Variants in IQSEC1 observed in about 807,000 individuals in gnomAD.
IQSEC1 encodes the protein IQ motif and SEC7 domain-containing protein 1.
A neutral mutation model predicts 91.0 loss-of-function variants in IQSEC1; 31 were observed. That is an observed-to-expected ratio of 0.34 (90% CI 0.26 to 0.46). The LOEUF (loss-of-function observed/expected upper bound fraction) is 0.46, where lower values mean the gene tolerates loss of function less well. Among genes scored for constraint, IQSEC1 ranks in the 20% least tolerant of loss-of-function variants. IQSEC1 has a pLI of 1.00. For synonymous variants in IQSEC1, 699 were observed against 662.6 expected, an observed-to-expected ratio of 1.05 and a Z score of -0.84; for missense variants, 1,388 against 1,575.6, an observed-to-expected ratio of 0.88 and a Z score of 2.02.
chr3:13,166,835 A>G (rs1182547343), intron 1 of IQSEC1, among the ~76,000 whole-genome samples: 1 of 152,226 alleles, frequency 6.6e-6, no homozygotes, highest in Non-Finnish European at 1.5e-5. Flanking sequence ...GCACTGACCC[A>G]GAACCCACAC....
intron 1 of IQSEC1, among the ~76,000 whole-genome samples, chr3:13,273,266 C>T (rs1461550673): frequency 6.6e-6 from 1 of 152,186 alleles, no homozygotes; most frequent in African/African-American, 2.4e-5. Flanking sequence ...GGGAGCCTCA[C>T]CCAAGCCATC....
chr3:13,009,824 G>A (rs1487477568), intron 1 of IQSEC1, among the ~76,000 whole-genome samples: 1 of 152,136 alleles, frequency 6.6e-6, no homozygotes, highest in Non-Finnish European at 1.5e-5. Flanking sequence ...CCTCCTCTCT[G>A]CCAGTGTGGC....
intron 1 of IQSEC1, among the ~76,000 whole-genome samples, chr3:13,209,417 A>G (rs1694403754): frequency 6.6e-6 from 1 of 152,214 alleles, no homozygotes. Context: ...CCAATAGCCA[A>G]TATTTGCTGC....
chr3:13,216,480 C>T (rs929491582), intron 1 of IQSEC1, among the ~76,000 whole-genome samples: 1 of 152,192 alleles, frequency 6.6e-6, no homozygotes, highest in East Asian at 1.9e-4. Context: ...CCAGGGCTAG[C>T]AGAGCGACGA....
intron 2 of IQSEC1, among the ~76,000 whole-genome samples, chr3:13,111,665 G>A (rs1210980883): frequency 6.6e-6 from 1 of 152,144 alleles, no homozygotes; most frequent in Non-Finnish European, 1.5e-5. Context: ...GCTGAGATGA[G>A]GTCATGGGAG....
chr3:13,079,307 A>G (rs748648906), intron 2 of IQSEC1, among the ~76,000 whole-genome samples: 4 of 152,238 alleles, frequency 2.6e-5, no homozygotes, highest in Non-Finnish European at 4.4e-5. Context: ...GTGCTGACCA[A>G]TGCTTGCTTT....
intron 1 of IQSEC1, among the ~76,000 whole-genome samples, chr3:13,229,557 G>A (rs1694809762): frequency 6.6e-6 from 1 of 152,250 alleles, no homozygotes; most frequent in Non-Finnish European, 1.5e-5. Flanking sequence ...GACAAATGCA[G>A]GGGAAATGTG....
intron 1 of IQSEC1, among the ~76,000 whole-genome samples, chr3:13,006,564 C>A (rs751141300): frequency 2.6e-5 from 4 of 152,248 alleles, no homozygotes; most frequent in Non-Finnish European, 2.9e-5. Flanking sequence ...CAAGGGCAAC[C>A]AGCACAACTG....
chr3:12,948,080 C>G (rs1559661010), intron 1 of IQSEC1, among the ~76,000 whole-genome samples: 1 of 152,232 alleles, frequency 6.6e-6, no homozygotes, highest in Non-Finnish European at 1.5e-5. Flanking sequence ...AGCTGTGTGA[C>G]CACAGGAGGA....
chr3:13,196,020 T>A lies in IQSEC1; in HGVS notation c.273-31887A>T, dbSNP rs186808104. ...GTCTCTGAATAGAAGGTTACTTTTT[T>A]AAAAAATTACTAAGAGTTTCGGTTT... On this transcript the variant is annotated intron_variant, in intron 1 of 15. Coordinates refer to the IQSEC1 transcript ENST00000648114. Among the ~76,000 whole-genome samples, 280 of 152,352 alleles carry A rather than the reference T, an allele frequency of 1.8e-3. 1 individual carries two copies. The highest frequency in any genetic ancestry group is 6.0e-3 in the African/African-American group (249 of 41,576).
intron 1 of IQSEC1, among the ~76,000 whole-genome samples, chr3:13,230,125 TAG>T (rs1424073632): frequency 6.6e-6 from 1 of 152,254 alleles, no homozygotes; most frequent in African/African-American, 2.4e-5. Flanking sequence ...TCCAGCCATT[TAG>T]TCCATCTTTA....
Position 13,008,471 on chromosome 3 carries a change from C to T in IQSEC1, c.23+64521G>A, listed in dbSNP as rs1172467567. On this transcript the variant is annotated intron_variant, in intron 1 of 13. Transcript: ENST00000613206. This position sits in a 1 kb window ranked among gnomAD's most constrained non-coding sequence, Gnocchi z 4.1. ...GTTCATACTCCTCTTCCCTCTGCCA[C>T]CTGGCTGGCCCCCATCTTTGCTAGC... is the stretch of plus-strand genomic sequence containing the variant. Among the ~76,000 whole-genome samples, 3 of 152,198 alleles carry T rather than the reference C, an allele frequency of 2.0e-5. No homozygotes were observed. The highest frequency in any genetic ancestry group is 7.2e-5 in the African/African-American group (3 of 41,440).
chr3:13,222,227 C>T (rs1485147207), intron 1 of IQSEC1, among the ~76,000 whole-genome samples: 2 of 144,820 alleles, frequency 1.4e-5, no homozygotes, highest in African/African-American at 2.5e-5. Context: ...GAAGTGGAAT[C>T]ATGCAGTATT....
chr3:13,190,123 T>G (rs1029661774), intron 1 of IQSEC1, among the ~76,000 whole-genome samples: 4 of 152,120 alleles, frequency 2.6e-5, no homozygotes, highest in African/African-American at 9.7e-5. Context: ...GTGTCCAAGG[T>G]TCTTATCTTC....
At chr3:13,226,644 G>A (rs1379237021) in intron 1 of IQSEC1, among the ~76,000 whole-genome samples, 4 of 151,944 alleles carry the variant, frequency 2.6e-5, no homozygotes, top group South Asian at 2.1e-4. Flanking sequence ...AAGTGGGCAC[G>A]TGGCAGCTGC....
intron 2 of IQSEC1, among the ~76,000 whole-genome samples, chr3:13,146,870 C>T (rs1480492084): frequency 6.6e-6 from 1 of 152,180 alleles, no homozygotes; most frequent in African/African-American, 2.4e-5. Flanking sequence ...ATGTGGCAAT[C>T]CTGCTCCGGG....
intron 1 of IQSEC1, among the ~76,000 whole-genome samples, chr3:13,205,494 C>T (rs2125055377): frequency 6.6e-6 from 1 of 152,034 alleles, no homozygotes; most frequent in African/African-American, 2.4e-5. Flanking sequence ...TGCCCATCTA[C>T]CTATTCCTCC....
chr3:12,982,288 C>T (rs533435793), intron 1 of IQSEC1, among the ~76,000 whole-genome samples: 1 of 152,362 alleles, frequency 6.6e-6, no homozygotes, highest in Non-Finnish European at 1.5e-5. Context: ...ACACTCTCAA[C>T]TGAGGATCCC....
Position 12,900,465 on chromosome 3 carries a change from ATATTTATATATT to A in IQSEC1, c.*506_*517del. ...CTACCTATACAGTATATATATATAT[ATATTTATATATT>A]TATATATTTATATAAAGTTTACTTA... is the stretch of plus-strand genomic sequence containing the variant. On this transcript the variant is annotated 3_prime_UTR_variant, in exon 14 of 14. Coordinates refer to ENST00000613206, the MANE Select transcript of IQSEC1 (RefSeq NM_001134382.3). 2 of 657,480 alleles carry A rather than the reference ATATTTATATATT, an allele frequency of 3.0e-6. No homozygotes were observed. The highest frequency in any genetic ancestry group is 3.7e-6 in the Non-Finnish European group (2 of 533,556). 40.7% of individuals were successfully genotyped at this position (657,480 alleles called of 1,614,324 possible).
Sources: allele counts gnomAD v4.1 joint callset (sites outside exome capture counted in the v4.1 genomes callset), GRCh38; gene constraint gnomAD v4.1.1; non-coding constraint Gnocchi (gnomAD v3.1); transcripts MANE v1.5; gene names NCBI Gene and HGNC (gene_info 2026-07-23, HGNC 2026-07-21).